Variants in RAD51B observed in about 807,000 individuals in gnomAD.
RAD51B encodes the protein RAD51 paralog B.
A neutral mutation model predicts 42.2 loss-of-function variants in RAD51B; 38 were observed. That is an observed-to-expected ratio of 0.90 (90% CI 0.70 to 1.18). The LOEUF (loss-of-function observed/expected upper bound fraction) is 1.18, where lower values mean the gene tolerates loss of function less well. Ranked by LOEUF, RAD51B falls within the 50% of genes most tolerant of loss-of-function variation. RAD51B has a pLI of 0.00. For missense variants in RAD51B, 373 were observed against 400.7 expected (o/e 0.93, Z 0.59); for synonymous variants, 154 against 145.2 (o/e 1.06, Z -0.43).
intron 11 of RAD51B, among the ~76,000 whole-genome samples, chr14:68,676,496 G>A (rs1169140489): frequency 6.6e-6 from 1 of 152,220 alleles, no homozygotes; most frequent in Non-Finnish European, 1.5e-5. Flanking sequence ...AGTGTCTGTG[G>A]CTCCTGCTTT....
intron 7 of RAD51B, among the ~76,000 whole-genome samples, chr14:68,128,929 C>G (rs189669110): frequency 6.6e-6 from 1 of 152,130 alleles, no homozygotes; most frequent in Non-Finnish European, 1.5e-5. Context: ...GGTATCTAGC[C>G]TTTTTCTCTT....
intron 7 of RAD51B, among the ~76,000 whole-genome samples, chr14:68,112,383 T>G (rs139966964): frequency 6.6e-6 from 1 of 152,158 alleles, no homozygotes; most frequent in East Asian, 1.9e-4. Flanking sequence ...GAATACAAAT[T>G]TATAGTCTCT....
intron 7 of RAD51B, among the ~76,000 whole-genome samples, chr14:68,291,268 G>T (rs113461690): frequency 2.6e-5 from 4 of 151,456 alleles, no homozygotes; most frequent in African/African-American, 9.7e-5. Context: ...GTGCAATCTC[G>T]GCTCACCACA....
chr14:68,374,841 T>G (rs920821189), intron 8 of RAD51B, among the ~76,000 whole-genome samples: 2 of 150,988 alleles, frequency 1.3e-5, no homozygotes, highest in Non-Finnish European at 2.9e-5. Context: ...GAGCTCAGTT[T>G]TACCTGCGCT....
intron 8 of RAD51B, among the ~76,000 whole-genome samples, chr14:68,343,459 G>A (rs1324135029): frequency 6.6e-6 from 1 of 152,150 alleles, no homozygotes; most frequent in African/African-American, 2.4e-5. Flanking sequence ...TCTTTTGACA[G>A]CCTACAATCA....
At chr14:68,327,833 G>A (rs1357270049) in intron 8 of RAD51B, among the ~76,000 whole-genome samples, 1 of 152,178 alleles carries the variant, frequency 6.6e-6, no homozygotes, top group Non-Finnish European at 1.5e-5. Context: ...TTTAATCACT[G>A]TGCCTTAGTA....
At chr14:68,166,743 C>T (rs893945820) in intron 7 of RAD51B, among the ~76,000 whole-genome samples, 1 of 152,046 alleles carries the variant, frequency 6.6e-6, no homozygotes, top group African/African-American at 2.4e-5. Context: ...CTTATTAATC[C>T]AGGAACTAGT....
intron 7 of RAD51B, among the ~76,000 whole-genome samples, chr14:68,007,138 G>T (rs960625147): frequency 6.6e-6 from 1 of 152,106 alleles, no homozygotes; most frequent in East Asian, 1.9e-4. Context: ...GTGATCTTTT[G>T]TGCTTGGTTT....
At chr14:68,353,450 G>T (rs768580159) in intron 8 of RAD51B, among the ~76,000 whole-genome samples, 2 of 152,164 alleles carry the variant, frequency 1.3e-5, no homozygotes, top group Non-Finnish European at 2.9e-5. Flanking sequence ...GTACAGAGAG[G>T]AGGACTTGTG....
At position 67,855,189 on chromosome 14, in the gene RAD51B, C is replaced by T. The variant is rs147302221; in HGVS notation, c.316-9814C>T. On this transcript the variant is annotated intron_variant, in intron 4 of 10. Transcript: ENST00000471583. ...CTGGGATTACAGGCATGAACCACCGCGCCTGGCCAGCATCTTAGTTTTTTC... is the reference window on the plus strand; with the variant it reads ...CTGGGATTACAGGCATGAACCACCGTGCCTGGCCAGCATCTTAGTTTTTTC... Among the ~76,000 whole-genome samples the T allele has an allele frequency of 4.4e-3, 673 of 151,842 alleles. 11 individuals are homozygous for T. The East Asian group carries it at 0.073, about 16-fold the overall frequency.
chr14:68,176,597 A>G (rs1228538227), intron 7 of RAD51B, among the ~76,000 whole-genome samples: 4 of 152,166 alleles, frequency 2.6e-5, no homozygotes, highest in Non-Finnish European at 5.9e-5. Flanking sequence ...ATTAAAAACT[A>G]AAACAATAGC....
At chr14:67,953,846 G>A (rs1345713904) in intron 7 of RAD51B, among the ~76,000 whole-genome samples, 1 of 152,118 alleles carries the variant, frequency 6.6e-6, no homozygotes, top group Non-Finnish European at 1.5e-5. Flanking sequence ...AAATTAAGAA[G>A]ATGTATTAAG....
intron 7 of RAD51B, among the ~76,000 whole-genome samples, chr14:67,907,243 C>T (rs557802751): frequency 6.6e-6 from 1 of 152,052 alleles, no homozygotes; most frequent in East Asian, 1.9e-4. Flanking sequence ...CAATTCAGCT[C>T]TGATTTCAGT....
intron 10 of RAD51B, among the ~76,000 whole-genome samples, chr14:68,648,541 G>A (rs1038072371): frequency 6.6e-6 from 1 of 151,536 alleles, no homozygotes; most frequent in African/African-American, 2.4e-5. Context: ...TCTGCCTGGG[G>A]CACATACAGA....
chr14:68,045,712 A>C (rs977765972), intron 7 of RAD51B, among the ~76,000 whole-genome samples: 2 of 152,198 alleles, frequency 1.3e-5, no homozygotes, highest in African/African-American at 4.8e-5. Context: ...GAAAATACCA[A>C]AACTCAGTAT....
At chr14:68,484,443 C>T (rs1209833653) in intron 10 of RAD51B, among the ~76,000 whole-genome samples, 2 of 149,916 alleles carry the variant, frequency 1.3e-5, no homozygotes, top group Non-Finnish European at 2.9e-5. Context: ...CTGCAACCTC[C>T]GCCTTCCGGG....
rs1020852112 is a variant in RAD51B, at chr14:68,671,020, GC to G, written c.*11+20171del. On this transcript the variant is annotated intron_variant, in intron 11 of 11. Coordinates refer to the RAD51B transcript ENST00000488612. ...AGCCAGCTCCTGGCGTCTGCTGCTG[GC>G]CCCCCCAAGATGGTAGCCTGGGGAG... Among the ~76,000 whole-genome samples the G allele has an allele frequency of 1.4e-4, 22 of 152,178 alleles. No individual in the cohort carries two copies. The East Asian group carries it at 4.1e-3, about 28-fold the overall frequency.
intron 10 of RAD51B, among the ~76,000 whole-genome samples, chr14:68,647,384 T>G (rs1892583967): frequency 6.6e-6 from 1 of 152,238 alleles, no homozygotes; most frequent in South Asian, 2.1e-4. Context: ...CCATTAAGAA[T>G]TTCTTGGCTT....
intron 9 of RAD51B, among the ~76,000 whole-genome samples, chr14:68,464,912 CTT>C (rs1258453291): frequency 3.3e-5 from 5 of 152,190 alleles, no homozygotes; most frequent in African/African-American, 1.2e-4. Flanking sequence ...TGTCCGAACT[CTT>C]TGATTTCCGG....
Sources: allele counts gnomAD v4.1 joint callset (sites outside exome capture counted in the v4.1 genomes callset), GRCh38; gene constraint gnomAD v4.1.1; transcripts MANE v1.5; gene names NCBI Gene and HGNC (gene_info 2026-07-23, HGNC 2026-07-21).